PRR14L: variants seen among roughly 807,000 people sequenced by gnomAD.
PRR14L encodes the protein protein PRR14L.
A neutral mutation model predicts 155.0 loss-of-function variants in PRR14L; 80 were observed. The observed-to-expected ratio is 0.52, with a 90% CI of 0.43 to 0.62. PRR14L has a LOEUF of 0.62. PRR14L is among the 20% of genes least tolerant of loss of function. PRR14L has a pLI of 0.00. For missense variants in PRR14L, 2,469 were observed against 2,548.0 expected (o/e 0.97, Z 0.67); for synonymous variants, 883 against 916.0 (o/e 0.96, Z 0.65).
chr22:31,738,470 T>C lies in PRR14L; in HGVS notation c.391A>G (p.Ile131Val). 6.4e-7 allele frequency: 1 copy of C among 1,552,206 alleles called. No individual in the cohort carries two copies. The highest frequency in any genetic ancestry group is 1.2e-5 in the South Asian group (1 of 84,058). ...VFRDPGGQAGIIREPSEGAKE... is the reference protein window; with the variant it reads ...VFRDPGGQAGVIREPSEGAKE... The stretch of plus-strand genomic sequence containing the variant: ...GCTCCCTCAGAGGGTTCTCTTATAA[T>C]TCCTGCCTGGCCCCCTGGATCTCTG... Residue 131 changes from isoleucine (I) to valine (V), a missense_variant, in exon 2 of 9, where the codon ATT (isoleucine) becomes GTT (valine). This residue lies in a region of PRR14L where 2,363 missense variants were observed against 2,371.6 expected (regional missense o/e 1.00). Coordinates refer to ENST00000327423, the MANE Select transcript of PRR14L (RefSeq NM_173566.3).
intron 2 of PRR14L, among the ~76,000 whole-genome samples, chr22:31,737,492 A>G (rs1202565398): frequency 1.3e-5 from 2 of 150,766 alleles, no homozygotes; most frequent in Non-Finnish European, 3.0e-5. Context: ...AAAAAAAGAA[A>G]AAAGAATTTG....
intron 1 of PRR14L, among the ~76,000 whole-genome samples, chr22:31,742,142 C>T (rs1179959891): frequency 1.3e-5 from 2 of 152,134 alleles, no homozygotes; most frequent in Non-Finnish European, 2.9e-5. Flanking sequence ...ACAGCACATA[C>T]AGATTTGAAG....
intron 3 of PRR14L, among the ~76,000 whole-genome samples, chr22:31,722,941 T>A (rs2074698818): frequency 6.6e-6 from 1 of 152,216 alleles, no homozygotes; most frequent in Admixed American, 6.5e-5. Context: ...TGGGTCTATT[T>A]AAATCAAATC....
rs1383785036 is a variant in PRR14L at position 31,700,656 on chromosome 22, A to G, written c.6107+1000T>C. Among the ~76,000 whole-genome samples the G allele has an allele frequency of 2.0e-5, 3 of 152,198 alleles. No individual in the cohort carries two copies. In the East Asian group the frequency reaches 5.8e-4, roughly 29 times the overall value. On this transcript the variant is annotated intron_variant, in intron 7 of 8. Transcript: ENST00000327423. Reference sequence around the variant, plus strand: ...ACCGCAACCTCCGCCTCCTGGGTTCAAGCGATTCTCCTGCCTCAGCCTACC... The same window carrying G: ...ACCGCAACCTCCGCCTCCTGGGTTCGAGCGATTCTCCTGCCTCAGCCTACC...
At chr22:31,722,640 A>G (rs1198766430) in intron 3 of PRR14L, among the ~76,000 whole-genome samples, 1 of 150,848 alleles carries the variant, frequency 6.6e-6, no homozygotes. Flanking sequence ...CTCTCGCCTC[A>G]GCCTCCCAAG....
chr22:31,688,947 A>G (rs1350745496), intron 7 of PRR14L, among the ~76,000 whole-genome samples: 2 of 150,368 alleles, frequency 1.3e-5, no homozygotes, highest in Non-Finnish European at 3.0e-5. Flanking sequence ...ACACCTATCA[A>G]TTATACAGTA....
chr22:31,724,727 G>C (rs575509087), intron 3 of PRR14L, among the ~76,000 whole-genome samples: 2 of 152,254 alleles, frequency 1.3e-5, no homozygotes, highest in South Asian at 2.1e-4. Context: ...TTGACACATA[G>C]ACCTCTCTAA....
chr22:31,712,936 G>C lies in PRR14L; in HGVS notation c.4903C>G (p.Leu1635Val), dbSNP rs768921079. 3.0e-5 allele frequency: 46 copies of C among 1,551,774 alleles called. No individual in the cohort carries two copies. In the African/African-American group the frequency reaches 6.2e-4, roughly 21 times the overall value. Reference sequence around the variant, plus strand: ...TCAGAGGAACACCGTCGGTATCTTAGCTTCTGAGTCTTCATGGCTGGGGCC... The same window carrying C: ...TCAGAGGAACACCGTCGGTATCTTACCTTCTGAGTCTTCATGGCTGGGGCC... ...KLAPAMKTQKLRYRRCSSELL... is the reference protein window; with the variant it reads ...KLAPAMKTQKVRYRRCSSELL... The change falls in exon 4 of 9, where the codon CTA becomes GTA. Residue 1635 changes from leucine to valine, a missense_variant. Transcript: ENST00000327423.
At chr22:31,709,506 G>A (rs1462527015) in intron 4 of PRR14L, among the ~76,000 whole-genome samples, 1 of 148,690 alleles carries the variant, frequency 6.7e-6, no homozygotes, top group African/African-American at 2.5e-5. Context: ...TTACACACGT[G>A]AGCTACTGCA....
At chr22:31,695,660 C>T (rs1220922190) in intron 7 of PRR14L, among the ~76,000 whole-genome samples, 5 of 152,138 alleles carry the variant, frequency 3.3e-5, no homozygotes, top group Non-Finnish European at 7.4e-5. Flanking sequence ...GCCCTACCTC[C>T]GTCTGCAGCA....
chr22:31,719,140 C>T (rs900997316), intron 3 of PRR14L, among the ~76,000 whole-genome samples: 2 of 151,946 alleles, frequency 1.3e-5, no homozygotes, highest in Non-Finnish European at 2.9e-5. Flanking sequence ...CAGTACCTCA[C>T]AATGGTGACC....
chr22:31,714,540 T>C lies in PRR14L; in HGVS notation c.3299A>G (p.Glu1100Gly). Residue 1100 changes from glutamate to glycine, a missense_variant, in exon 4 of 9, where the codon GAA becomes GGA. Physicochemically the swap from Glu to Gly is moderately conservative, Grantham distance 98 (BLOSUM62 -2). Transcript: ENST00000327423. ...EDSRSTLSRR[E>G]LDAAHTGTTG... ...TGTTCCTGTATGTGCAGCATCCAGT[T>C]CTCTCCGAGACAAGGTACTCCTGGA... 1 of 1,552,074 alleles carries C rather than the reference T, an allele frequency of 6.4e-7. No homozygotes were observed. The highest frequency in any genetic ancestry group is 8.7e-7 in the Non-Finnish European group (1 of 1,147,064).
At chr22:31,747,188 G>A (rs1321997189) in intron 1 of PRR14L, among the ~76,000 whole-genome samples, 5 of 150,524 alleles carry the variant, frequency 3.3e-5, no homozygotes, top group Admixed American at 6.7e-5. Context: ...TCGGCTCACC[G>A]CAACCTCTGC....
chr22:31,692,023 A>G (rs575325902), intron 7 of PRR14L, among the ~76,000 whole-genome samples: 5 of 150,886 alleles, frequency 3.3e-5, no homozygotes, highest in South Asian at 2.1e-4. Flanking sequence ...ACGCACCACC[A>G]CTCCTGGCTA....
chr22:31,710,456 ATTCT>A (rs1241552554), intron 4 of PRR14L, among the ~76,000 whole-genome samples: 1 of 150,790 alleles, frequency 6.6e-6, no homozygotes, highest in Non-Finnish European at 1.5e-5. Context: ...CTCTTTAGGG[ATTCT>A]TTTTTTTTTT....
Position 31,715,832 on chromosome 22 carries a change from G to A in PRR14L, c.2007C>T (p.Asp669=), listed in dbSNP as rs2074655545. 2 of 1,551,666 alleles carry A rather than the reference G, an allele frequency of 1.3e-6. No individual in the cohort carries two copies. The highest frequency in any genetic ancestry group is 1.7e-6 in the Non-Finnish European group (2 of 1,146,932). The change falls in exon 4 of 9, where the codon GAC becomes GAT. Residue 669 remains aspartate, a synonymous_variant. Coordinates refer to ENST00000327423, the MANE Select transcript of PRR14L (RefSeq NM_173566.3). The part of the protein sequence containing the change: ...NSQEHANLPT[D]SLLHLNKEMP... ...TCTCTTTGTTTAAATGCAGTAGAGAGTCAGTTGGCAAATTTGCATGTTCTT... is the reference window on the plus strand; with the variant it reads ...TCTCTTTGTTTAAATGCAGTAGAGAATCAGTTGGCAAATTTGCATGTTCTT...
At chr22:31,728,459 T>C (rs1298660976) in intron 2 of PRR14L, among the ~76,000 whole-genome samples, 3 of 151,448 alleles carry the variant, frequency 2.0e-5, no homozygotes, top group Non-Finnish European at 4.4e-5. Flanking sequence ...CTAAAAAATA[T>C]ATAATTAGCT....
intron 7 of PRR14L, among the ~76,000 whole-genome samples, chr22:31,695,129 T>C (rs1262960287): frequency 1.3e-5 from 2 of 152,122 alleles, no homozygotes; most frequent in Non-Finnish European, 2.9e-5. Flanking sequence ...AAGCAAATAA[T>C]ATACCCCCAA....
At chr22:31,724,825 ATCAG>A (rs2074708333) in intron 3 of PRR14L, among the ~76,000 whole-genome samples, 4 of 152,156 alleles carry the variant, frequency 2.6e-5, no homozygotes, top group Admixed American at 2.6e-4. Flanking sequence ...TTCCTCCTCA[ATCAG>A]TCAACCAACC....
Sources: allele counts gnomAD v4.1 joint callset (sites outside exome capture counted in the v4.1 genomes callset), GRCh38; gene constraint gnomAD v4.1.1; regional missense constraint gnomAD v4.1.1; transcripts MANE v1.5; gene names NCBI Gene and HGNC (gene_info 2026-07-23, HGNC 2026-07-21).